IL6R: variants seen among roughly 807,000 people sequenced by gnomAD.
IL6R encodes the protein interleukin-6 receptor subunit alpha.
In IL6R, 38 loss-of-function variants were observed where a neutral mutation model predicts 48.3. That is an observed-to-expected ratio of 0.79 (90% CI 0.61 to 1.03). The LOEUF (loss-of-function observed/expected upper bound fraction) is 1.03. Ranked by LOEUF, IL6R falls within the 50% of genes least tolerant of loss-of-function variation. The probability of loss-of-function intolerance (pLI) is 0.00; values close to 1 mark genes in which losing one functional copy is unlikely to be tolerated. For synonymous variants in IL6R, 264 were observed against 256.2 expected, an observed-to-expected ratio of 1.03 and a Z score of -0.29; for missense variants, 534 against 618.3, an observed-to-expected ratio of 0.86 and a Z score of 1.45.
At chr1:154,419,747 G>T (rs892690101) in intron 1 of IL6R, among the ~76,000 whole-genome samples, 1 of 152,236 alleles carries the variant, frequency 6.6e-6, no homozygotes, top group Non-Finnish European at 1.5e-5. Flanking sequence ...GGCAAGAGCT[G>T]CGGCAAGCTG....
At chr1:154,448,034 A>C in intron 6 of IL6R, 91 bp from the exon 7 acceptor site, 1 of 1,044,284 alleles carries the variant, frequency 9.6e-7, no homozygotes, top group Non-Finnish European at 1.5e-6. Context: ...AATAACATTG[A>C]GATGAACTTT....
intron 3 of IL6R, among the ~76,000 whole-genome samples, chr1:154,430,983 C>T (rs970449883): frequency 9.9e-5 from 15 of 152,260 alleles, no homozygotes; most frequent in Admixed American, 4.6e-4. Context: ...ATTCAAAGTC[C>T]GAAGATTATG....
At chr1:154,421,992 G>A (rs754843480) in intron 1 of IL6R, among the ~76,000 whole-genome samples, 2 of 151,432 alleles carry the variant, frequency 1.3e-5, no homozygotes, top group Non-Finnish European at 2.9e-5. Flanking sequence ...TGTGGCCCAG[G>A]CTGGAGTGCA....
chr1:154,412,358 A>G (rs1427675047), intron 1 of IL6R, among the ~76,000 whole-genome samples: 1 of 150,972 alleles, frequency 6.6e-6, no homozygotes, highest in African/African-American at 2.4e-5. Context: ...GGTTCAAGCA[A>G]TTCTCCTGCC....
At chr1:154,437,561 G>C in intron 6 of IL6R, 1 of 397,822 alleles carries the variant, frequency 2.5e-6, no homozygotes, top group South Asian at 1.7e-5. Flanking sequence ...CCACAGGCGT[G>C]TGCCACAATG....
rs889466996 is a variant in IL6R at position 154,449,978 on chromosome 1, C to T, written c.1064C>T (p.Pro355Leu). 2 of 1,592,608 alleles carry T rather than the reference C, an allele frequency of 1.3e-6. No individual in the cohort carries two copies. The highest frequency in any genetic ancestry group is 2.2e-5 in the South Asian group (2 of 90,640). The change falls in exon 8 of 10, where the codon CCA becomes CTA. Residue 355 changes from proline to leucine, a missense_variant and splice_region_variant. By Grantham distance (98) the Pro-to-Leu change is moderately conservative. Transcript: ENST00000368485. ...FRDSANATSL[P>L]VQDSSSVPLP... ...GATTCTGCAAATGCGACAAGCCTCC[C>T]AGGTAAGGACTGGGTATTTTCATAT...
chr1:154,456,977 A>G (rs955161825), intron 9 of IL6R, among the ~76,000 whole-genome samples: 2 of 152,186 alleles, frequency 1.3e-5, no homozygotes, highest in Non-Finnish European at 2.9e-5. Flanking sequence ...GAATTACAAC[A>G]TGAATATGAC....
intron 9 of IL6R, among the ~76,000 whole-genome samples, chr1:154,462,708 G>T (rs1217210959): frequency 1.3e-5 from 2 of 151,662 alleles, no homozygotes; most frequent in Non-Finnish European, 2.9e-5. Flanking sequence ...GTATTAGGTG[G>T]ATATACCAAT....
chr1:154,430,701 A>G (rs1689249321), intron 3 of IL6R, 95 bp downstream of exon 3: 1 of 1,490,010 alleles, frequency 6.7e-7, no homozygotes, highest in Admixed American at 1.9e-5. Flanking sequence ...AAACATTATC[A>G]TTAGGAATTA....
chr1:154,442,924 G>A (rs956447268), intron 6 of IL6R, among the ~76,000 whole-genome samples: 1 of 151,892 alleles, frequency 6.6e-6, no homozygotes, highest in Non-Finnish European at 1.5e-5. Flanking sequence ...GCATCACGAT[G>A]CCCAGCTAAT....
chr1:154,446,053 G>A lies in IL6R; in HGVS notation c.950-2072G>A, dbSNP rs186584363. 5.8e-4 allele frequency among the ~76,000 whole-genome samples: 88 copies of A among 151,996 alleles called. No homozygotes were observed. In the Middle Eastern group the frequency reaches 0.01, roughly 18 times the overall value. On this transcript the variant is annotated intron_variant, in intron 6 of 9. Coordinates refer to ENST00000368485, the MANE Select transcript of IL6R (RefSeq NM_000565.4). ...GTGCTGGGATTACAGGTGTGAGTCC[G>A]GCCTGCCCCCATCTTCTTTGTCTTC...
At chr1:154,459,893 C>A (rs1298020862) in intron 9 of IL6R, among the ~76,000 whole-genome samples, 1 of 152,106 alleles carries the variant, frequency 6.6e-6, no homozygotes, top group East Asian at 1.9e-4. Context: ...ACTTAAACAT[C>A]ATTTCGTTTT....
chr1:154,436,011 A>G lies in IL6R; in HGVS notation c.850A>G (p.Ser284Gly). 1.2e-6 allele frequency: 2 copies of G among 1,612,308 alleles called. No individual in the cohort carries two copies. Among genetic ancestry groups the G allele is most frequent in the East Asian group, 2.2e-5 (1 of 44,816 alleles). ...QHHCVIHDAW[S>G]GLRHVVQLRA... ...TCACTGTGTCATCCACGACGCCTGGAGCGGCCTGAGGCACGTGGTGCAGCT... is the reference window on the plus strand; with the variant it reads ...TCACTGTGTCATCCACGACGCCTGGGGCGGCCTGAGGCACGTGGTGCAGCT... The change falls in exon 6 of 10, where the codon AGC becomes GGC. Residue 284 changes from serine to glycine, a missense_variant. Coordinates refer to ENST00000368485, the MANE Select transcript of IL6R (RefSeq NM_000565.4).
intron 2 of IL6R, 71 bp downstream of exon 2, chr1:154,429,515 C>G: frequency 2.7e-6 from 4 of 1,479,914 alleles, no homozygotes; most frequent in South Asian, 2.6e-5. Context: ...CCAGACAGTC[C>G]CTGTCTGAGC....
At position 154,469,026 on chromosome 1, in the gene IL6R, T is replaced by C. The variant is rs150298365; in HGVS notation, c.*3646T>C. The C allele has an allele frequency of 6.6e-4, 101 of 152,352 alleles. 1 individual carries two copies. The highest frequency in any genetic ancestry group is 2.3e-3 in the African/African-American group (95 of 41,580). The allele number at this position is 152,352 out of a possible 1,614,324, so 9.4% of individuals were successfully genotyped here. On this transcript the variant is annotated 3_prime_UTR_variant, in exon 10 of 10. Transcript: ENST00000368485. Reference sequence around the variant, plus strand: ...AGGGTCCGTGCCAGGCCCTCCTCAGTGCCCTGTGAAGGCCTCCTGTCCTCC... The same window carrying C: ...AGGGTCCGTGCCAGGCCCTCCTCAGCGCCCTGTGAAGGCCTCCTGTCCTCC...
chr1:154,420,345 C>T (rs1343922667), intron 1 of IL6R, among the ~76,000 whole-genome samples: 1 of 151,858 alleles, frequency 6.6e-6, no homozygotes, highest in African/African-American at 2.4e-5. Context: ...AGTCTGAATC[C>T]TCATTTCACA....
intron 6 of IL6R, 116 bp downstream of exon 6, chr1:154,436,226 C>G (rs1689622541): frequency 8.4e-7 from 1 of 1,186,762 alleles, no homozygotes; most frequent in Non-Finnish European, 1.2e-6. Flanking sequence ...TGTGGTGGCT[C>G]ACACCTGTAA....
Position 154,465,404 on chromosome 1 carries a change from T to C in IL6R, c.*24T>C. The C allele has an allele frequency of 6.2e-7, 1 of 1,612,930 alleles. No homozygotes were observed. The highest frequency in any genetic ancestry group is 8.5e-7 in the Non-Finnish European group (1 of 1,179,084). Reference sequence around the variant, plus strand: ...AGCTGGCTGGGTGGCACCAGCAGCCTGGACCCTGTGGATGATAAAACACAA... The same window carrying C: ...AGCTGGCTGGGTGGCACCAGCAGCCCGGACCCTGTGGATGATAAAACACAA... On this transcript the variant is annotated 3_prime_UTR_variant, in exon 10 of 10. Transcript: ENST00000368485.
chr1:154,447,419 A>AC (rs1690287734), intron 6 of IL6R, among the ~76,000 whole-genome samples: 1 of 123,086 alleles, frequency 8.1e-6, no homozygotes, highest in African/African-American at 3.3e-5. Context: ...AGCCTGGGCA[A>AC]AAGAGTGAAA....
Sources: allele counts gnomAD v4.1 joint callset (sites outside exome capture counted in the v4.1 genomes callset), GRCh38; gene constraint gnomAD v4.1.1; transcripts MANE v1.5; gene names NCBI Gene and HGNC (gene_info 2026-07-23, HGNC 2026-07-21).